SYTL3: variants seen among roughly 807,000 people sequenced by gnomAD.
SYTL3 encodes synaptotagmin-like protein 3.
Under a neutral mutation model 82.1 loss-of-function variants are expected in SYTL3, and 88 were observed. The observed-to-expected ratio is 1.07, with a 90% CI of 0.90 to 1.28. SYTL3 has a LOEUF of 1.28. Among genes scored for constraint, SYTL3 ranks in the 50% most tolerant of loss-of-function variants. The pLI is 0.00. For missense variants in SYTL3, 831 were observed against 757.6 expected, an observed-to-expected ratio of 1.10 and a Z score of -1.14; for synonymous variants, 311 against 289.4, an observed-to-expected ratio of 1.07 and a Z score of -0.76.
At chr6:158,704,317 T>G (rs1444487893) in intron 6 of SYTL3, among the ~76,000 whole-genome samples, 1 of 152,202 alleles carries the variant, frequency 6.6e-6, no homozygotes, top group Non-Finnish European at 1.5e-5. Flanking sequence ...CAGTGCAACG[T>G]TCCCTCTCCA....
chr6:158,722,132 T>C (rs1159216672), intron 10 of SYTL3, among the ~76,000 whole-genome samples: 1 of 148,646 alleles, frequency 6.7e-6, no homozygotes, highest in Admixed American at 6.7e-5. Flanking sequence ...ACAGAAGTAG[T>C]AGATAACTTT....
chr6:158,722,762 GTTTTTTTTTTTT>G lies in SYTL3; in HGVS notation c.721-2726_721-2715del, dbSNP rs34189391. Among the ~76,000 whole-genome samples, 8 of 80,896 alleles carry G rather than the reference GTTTTTTTTTTTT, an allele frequency of 9.9e-5. No individual in the cohort carries two copies. The East Asian group carries it at 1.3e-3, about 13-fold the overall frequency. The allele number at this position is 80,896 out of a possible 152,430, so 53.1% of individuals were successfully genotyped here. A position where few individuals can be genotyped will look rare whatever the true frequency, so the allele number is the denominator to read the frequency against. On this transcript the variant is annotated intron_variant, in intron 10 of 17. Coordinates refer to ENST00000611299, the MANE Select transcript of SYTL3 (RefSeq NM_001242394.2). The stretch of plus-strand genomic sequence containing the variant: ...AGGAAAAAGATTTTCTCTCTTTTCT[GTTTTTTTTTTTT>G]TTTTTTTTTTTTTTAAGATGGAGTC...
At chr6:158,676,213 A>G (rs145518446) in intron 5 of SYTL3, among the ~76,000 whole-genome samples, 5,307 of 152,318 alleles carry the variant, frequency 0.035, 124 homozygotes, top group Non-Finnish European at 0.057. Context: ...AGAGATATAG[A>G]CCAATGGAAC....
chr6:158,645,208 T>C (rs1562328329), upstream of SYTL3, among the ~76,000 whole-genome samples: 2 of 152,152 alleles, frequency 1.3e-5, no homozygotes, highest in Admixed American at 1.3e-4. Context: ...TGAACGAAAC[T>C]TCCCTTTGGG....
intron 5 of SYTL3, 74 bp from the exon 6 acceptor site, chr6:158,682,851 A>C: frequency 8.6e-7 from 1 of 1,160,116 alleles, no homozygotes; most frequent in South Asian, 1.3e-5. Context: ...ACCTTACCTA[A>C]CCCTTAAAAG....
At chr6:158,726,465 G>C (rs1318575175) in intron 11 of SYTL3, 2 of 187,154 alleles carry the variant, frequency 1.1e-5, no homozygotes, top group Non-Finnish European at 1.1e-5. Context: ...CCTCCCAATA[G>C]GCCTTGAGCC....
intron 1 of SYTL3, among the ~76,000 whole-genome samples, chr6:158,650,777 T>TAAA (rs11464035): frequency 7.2e-6 from 1 of 138,272 alleles, no homozygotes; most frequent in Non-Finnish European, 1.6e-5. Flanking sequence ...ACCCCATCTC[T>TAAA]AAAAAAAAAA....
At position 158,663,356 on chromosome 6, in the gene SYTL3, A is replaced by G; in HGVS notation, c.88A>G (p.Asn30Asp). ...QVLYRDQAVQNTEEERTRKLK... is the reference protein window; with the variant it reads ...QVLYRDQAVQDTEEERTRKLK... ...CCTGTACCGAGACCAGGCGGTTCAA[A>G]ACACAGAGGAGGAGAGGACACGGTA... is the stretch of plus-strand genomic sequence containing the variant. The change falls in exon 4 of 18, where the codon AAC becomes GAC. Residue 30 changes from asparagine to aspartate, a missense_variant. By Grantham distance (23) the Asn-to-Asp change is conservative. Transcript: ENST00000611299. The G allele has an allele frequency of 6.2e-7, 1 of 1,613,856 alleles. No individual in the cohort carries two copies.
In SYTL3 at chr6:158,764,482, T is replaced by C; in HGVS notation, c.1724-13T>C. On this transcript the variant is annotated splice_polypyrimidine_tract_variant and intron_variant, in intron 17 of 17. Coordinates refer to ENST00000611299, the MANE Select transcript of SYTL3 (RefSeq NM_001242394.2). ...CTCCCCGACCATGGCTAAATTGTCT[T>C]CCTCTCTTACAGAGGGAGACACAGC... 1 of 1,596,490 alleles carries C rather than the reference T, an allele frequency of 6.3e-7. No individual in the cohort carries two copies. The highest frequency in any genetic ancestry group is 8.6e-7 in the Non-Finnish European group (1 of 1,164,436).
intron 9 of SYTL3, among the ~76,000 whole-genome samples, chr6:158,715,079 C>T (rs1418071448): frequency 6.6e-6 from 1 of 152,160 alleles, no homozygotes; most frequent in Admixed American, 6.5e-5. Flanking sequence ...TGCCCCTTGG[C>T]CTGGAACGTG....
intron 10 of SYTL3, among the ~76,000 whole-genome samples, chr6:158,722,701 G>T (rs1784245787): frequency 6.6e-6 from 1 of 151,584 alleles, no homozygotes; most frequent in Admixed American, 6.6e-5. Flanking sequence ...GTCAGGAGGG[G>T]CTATCTCTGG....
intron 6 of SYTL3, among the ~76,000 whole-genome samples, chr6:158,697,891 A>G (rs535892464): frequency 5.5e-4 from 83 of 152,256 alleles, no homozygotes; most frequent in African/African-American, 1.9e-3. Flanking sequence ...TTCTGTCACT[A>G]AGCAGAAGAG....
chr6:158,658,863 A>G (rs1789025992), intron 2 of SYTL3, among the ~76,000 whole-genome samples: 1 of 152,202 alleles, frequency 6.6e-6, no homozygotes, highest in Non-Finnish European at 1.5e-5. Flanking sequence ...TGGGAGGCGG[A>G]CGTTGCAGTG....
At chr6:158,729,572 T>TC (rs1785149195) in intron 11 of SYTL3, among the ~76,000 whole-genome samples, 1 of 149,458 alleles carries the variant, frequency 6.7e-6, no homozygotes, top group Admixed American at 6.6e-5. Context: ...TTTTCTTTTT[T>TC]TTTTTTTTTT....
At chr6:158,689,293 T>G (rs555797348) in intron 6 of SYTL3, among the ~76,000 whole-genome samples, 1 of 152,210 alleles carries the variant, frequency 6.6e-6, no homozygotes, top group African/African-American at 2.4e-5. Context: ...TGCAAACCAA[T>G]AGATAACTTT....
At chr6:158,736,175 C>T (rs1017740086) in intron 11 of SYTL3, among the ~76,000 whole-genome samples, 1 of 152,032 alleles carries the variant, frequency 6.6e-6, no homozygotes, top group Non-Finnish European at 1.5e-5. Context: ...CATAGTGAAA[C>T]CACATCTCTA....
At chr6:158,705,440 A>C (rs1424656430) in intron 6 of SYTL3, among the ~76,000 whole-genome samples, 15 of 140,394 alleles carry the variant, frequency 1.1e-4, no homozygotes, top group African/African-American at 4.0e-4. Flanking sequence ...GGTAACACTG[A>C]GGGCCGTAAG....
chr6:158,675,797 T>C (rs1324883376), intron 5 of SYTL3, among the ~76,000 whole-genome samples: 2 of 151,774 alleles, frequency 1.3e-5, no homozygotes, highest in Admixed American at 6.6e-5. Flanking sequence ...AATACAAAAA[T>C]AAATTAGCCG....
chr6:158,704,508 G>A (rs984134491), intron 6 of SYTL3, among the ~76,000 whole-genome samples: 9 of 152,390 alleles, frequency 5.9e-5, no homozygotes, highest in South Asian at 2.1e-4. Flanking sequence ...AGAACTGCCC[G>A]TGGGGGATAG....
Sources: gnomAD v4.1 joint callset for allele counts (sites outside exome capture counted in the v4.1 genomes callset) on GRCh38, gnomAD v4.1.1 for gene constraint, MANE v1.5 for transcripts, NCBI Gene and HGNC (gene_info 2026-07-23, HGNC 2026-07-21) for gene names.